Variants in PLEC observed in about 807,000 individuals in gnomAD.
PLEC encodes the protein hemidesmosomal protein 1.
PLEC carries 216 observed loss-of-function variants against 392.8 expected under a neutral mutation model. The observed-to-expected ratio is 0.55, with a 90% CI of 0.49 to 0.62. PLEC has a LOEUF of 0.62. Ranked by LOEUF, PLEC falls within the 20% of genes least tolerant of loss-of-function variation. The pLI is 0.00. For synonymous variants in PLEC, 3,621 were observed against 2,980.6 expected, an observed-to-expected ratio of 1.21 and a Z score of -7.00; for missense variants, 6,863 against 6,563.4, an observed-to-expected ratio of 1.05 and a Z score of -1.58.
At chr8:143,935,619 G>A (rs1246583615) in intron 6 of PLEC, among the ~76,000 whole-genome samples, 1 of 152,138 alleles carries the variant, frequency 6.6e-6, no homozygotes, top group Non-Finnish European at 1.5e-5. Flanking sequence ...GCACCTGGCT[G>A]TGAGGACCAG....
chr8:143,926,917 C>A (rs782116022), intron 29 of PLEC, 35 bp from the exon 30 acceptor site: 1 of 1,607,826 alleles, frequency 6.2e-7, no homozygotes, highest in Admixed American at 1.7e-5. Flanking sequence ...CCTGCGAGAG[C>A]TGCAGCTCCA....
upstream of PLEC, among the ~76,000 whole-genome samples, chr8:143,954,527 T>C (rs375092555): frequency 1.3e-5 from 2 of 152,152 alleles, no homozygotes; most frequent in Non-Finnish European, 2.9e-5. The surrounding 1 kb of genome is among the most constrained non-coding windows in gnomAD (Gnocchi z 4.6). Flanking sequence ...TGCCGCCAGA[T>C]GACACTGCAG....
At chr8:143,930,647 G>C (rs557201119) in intron 19 of PLEC, 111 bp from the exon 20 acceptor site, 86 of 1,176,200 alleles carry the variant, frequency 7.3e-5, no homozygotes, top group Non-Finnish European at 9.4e-5. Flanking sequence ...TGCTCCCGGG[G>C]TGGCAGCACT....
chr8:143,918,732 G>A lies in PLEC; in HGVS notation c.11089C>T (p.Leu3697=), dbSNP rs17062686. Residue 3697 remains leucine, a synonymous_variant, in exon 32 of 32, where the codon CTG becomes TTG. Coordinates refer to ENST00000345136, the MANE Select transcript of PLEC (RefSeq NM_201384.3). ...YGTGSVAGVY[L]PGSRQTLSIY... The stretch of plus-strand genomic sequence containing the variant: ...CTCAGTGTCTGCCTGGAACCGGGCA[G>A]GTAGACACCAGCCACGGAGCCCGTG... 0.044 allele frequency: 71,615 copies of A among 1,612,994 alleles called. 1,763 individuals carry two copies. Among genetic ancestry groups the A allele is most frequent in the Non-Finnish European group, 0.052 (61,092 of 1,179,982 alleles).
rs375989217 is a variant in PLEC at position 143,936,972 on chromosome 8, G to A, written c.435+7C>T. 9.3e-6 allele frequency: 15 copies of A among 1,606,826 alleles called. No individual in the cohort carries two copies. Among genetic ancestry groups the A allele is most frequent in the Non-Finnish European group, 1.3e-5 (15 of 1,174,638 alleles). ...GGGGGTGGGGGTCCTGGGGGCAGCC[G>A]TTCTACCTGGAAGTGCAGAATGATT... On this transcript the variant is annotated splice_region_variant and intron_variant, in intron 5 of 31. Coordinates refer to ENST00000345136, the MANE Select transcript of PLEC (RefSeq NM_201384.3).
upstream of PLEC, chr8:143,975,448 C>A (rs1554745816): frequency 2.3e-6 from 3 of 1,282,570 alleles, no homozygotes; most frequent in African/African-American, 2.9e-5. This position sits in a 1 kb window ranked among gnomAD's most constrained non-coding sequence, Gnocchi z 9.9. Context: ...CCACCCACCA[C>A]CTTCTTAACC....
chr8:143,923,469 G>A lies in PLEC; in HGVS notation c.6460C>T (p.Gln2154Ter), dbSNP rs782097583. The change falls in exon 31 of 32, where the codon CAG becomes TAG. Residue 2154 changes from glutamine (Q) to a stop codon, truncating the protein, a stop_gained. Coordinates refer to ENST00000345136, the MANE Select transcript of PLEC (RefSeq NM_201384.3). LOFTEE classifies it high-confidence loss of function. ...GCCTGCTTCTGCCGCAGGGCCGCCT[G>A]CTCCGCCTGTGCCCGCCGCGCCGCC... The part of the protein sequence containing the change: ...QEAARRAQAE[Q>*]AALRQKQAAD... 2 of 1,605,958 alleles carry A rather than the reference G, an allele frequency of 1.2e-6. No individual in the cohort carries two copies. The highest frequency in any genetic ancestry group is 1.1e-5 in the South Asian group (1 of 90,988).
chr8:143,967,064 A>G (rs1336810080), intron 1 of PLEC, among the ~76,000 whole-genome samples: 2 of 152,204 alleles, frequency 1.3e-5, no homozygotes, highest in Non-Finnish European at 2.9e-5. Context: ...ATGGCTAAAG[A>G]AACCACAGAC....
At position 143,930,366 on chromosome 8, in the gene PLEC, C is replaced by A. The variant is rs782741041; in HGVS notation, c.2457+18G>T. On this transcript the variant is annotated intron_variant, in intron 20 of 31. Coordinates refer to ENST00000345136, the MANE Select transcript of PLEC (RefSeq NM_201384.3). ...CTGCCTGGCCACGCCCCCCAGTGGA[C>A]CCCCGGCCTGCGCTCACCTCCACCT... is the stretch of plus-strand genomic sequence containing the variant. The A allele has an allele frequency of 6.3e-6, 10 of 1,575,910 alleles. No homozygotes were observed. The highest frequency in any genetic ancestry group is 3.6e-5 in the Admixed American group (2 of 55,336).
rs782316323 is a variant in PLEC, at chr8:143,923,457, G to A, written c.6472C>T (p.Arg2158Trp). 1.6e-5 allele frequency: 25 copies of A among 1,607,442 alleles called. No homozygotes were observed. The highest frequency in any genetic ancestry group is 1.3e-4 in the East Asian group (6 of 44,808). ...TCCGCGTCAGCTGCCTGCTTCTGCC[G>A]CAGGGCCGCCTGCTCCGCCTGTGCC... is the stretch of plus-strand genomic sequence containing the variant. ...RRAQAEQAAL[R>W]QKQAADAEME... The change falls in exon 31 of 32, where the codon CGG becomes TGG. Residue 2158 changes from arginine to tryptophan, a missense_variant. Coordinates refer to ENST00000345136, the MANE Select transcript of PLEC (RefSeq NM_201384.3).
chr8:143,936,766 G>A (rs116642144), intron 5 of PLEC, among the ~76,000 whole-genome samples: 2 of 152,212 alleles, frequency 1.3e-5, no homozygotes, highest in African/African-American at 2.4e-5. Context: ...GGCACGGATA[G>A]GTGGCCTCAG....
In PLEC at chr8:143,935,828, C is replaced by T. The variant is rs1828901526; in HGVS notation, c.602+20G>A. 3 of 1,612,102 alleles carry T rather than the reference C, an allele frequency of 1.9e-6. No homozygotes were observed. The highest frequency in any genetic ancestry group is 2.2e-5 in the South Asian group (2 of 91,026). On this transcript the variant is annotated intron_variant, in intron 6 of 31. Transcript: ENST00000345136. Reference sequence around the variant, plus strand: ...GGGGGTGCCCCCAGCCCACAGCCCCCTGCCCCCGGGGCCATGTACTTGTGC... The same window carrying T: ...GGGGGTGCCCCCAGCCCACAGCCCCTTGCCCCCGGGGCCATGTACTTGTGC...
chr8:143,949,724 C>T (rs1831907487), intron 1 of PLEC, among the ~76,000 whole-genome samples: 1 of 152,222 alleles, frequency 6.6e-6, no homozygotes, highest in African/African-American at 2.4e-5. Flanking sequence ...CTGTGCGGCA[C>T]CAAGCCTCAC....
chr8:143,930,416 G>C lies in PLEC; in HGVS notation c.2425C>G (p.Leu809Val), dbSNP rs771803576. 1.9e-6 allele frequency: 3 copies of C among 1,572,564 alleles called. No homozygotes were observed. In the African/African-American group the frequency reaches 4.1e-5, roughly 21 times the overall value. Residue 809 changes from leucine to valine, a missense_variant, in exon 20 of 32, where the codon CTG becomes GTG. By Grantham distance (32) the Leu-to-Val change is conservative. Transcript: ENST00000345136. ...PAHPMRGRLP[L>V]LAVCDYKQVE... ...TGCTTATAGTCGCACACGGCCAGCA[G>C]GGGCAGGCGGCCCCGCATGGGGTGG...
rs782543357 is a variant in PLEC, at chr8:143,934,842, G to A, written c.913C>T (p.Arg305Cys). The change falls in exon 9 of 32, where the codon CGC (arginine) becomes TGC (cysteine). Residue 305 changes from arginine to cysteine, a missense_variant. Physicochemically the swap from Arg to Cys is radical, Grantham distance 180. Coordinates refer to ENST00000345136, the MANE Select transcript of PLEC (RefSeq NM_201384.3). Reference protein sequence around the residue: ...MRHHTAAFEERRFPSSFEEIE... With the variant: ...MRHHTAAFEECRFPSSFEEIE... ...TCCTCGAAGCTGGAGGGGAACCTGC[G>A]TTCCTCAAAGGCGGCCGTGTGGTGT... 50 of 1,611,414 alleles carry A rather than the reference G, an allele frequency of 3.1e-5. No homozygotes were observed. The highest frequency in any genetic ancestry group is 3.9e-5 in the Non-Finnish European group (46 of 1,179,826).
chr8:143,970,024 C>A (rs992392243), intron 1 of PLEC, among the ~76,000 whole-genome samples: 1 of 152,094 alleles, frequency 6.6e-6, no homozygotes, highest in Non-Finnish European at 1.5e-5. Flanking sequence ...CCCTTGCCAG[C>A]CCTGGGCCTG....
At chr8:143,954,175 G>A (rs551971752), upstream of PLEC, among the ~76,000 whole-genome samples, 28 of 146,748 alleles carry the variant, frequency 1.9e-4, no homozygotes, top group African/African-American at 6.5e-4. This position sits in a 1 kb window ranked among gnomAD's most constrained non-coding sequence, Gnocchi z 4.6. Flanking sequence ...CCTTGAAGCC[G>A]TTACCCGCGC....
chr8:143,968,788 C>G (rs1293183431), intron 1 of PLEC, among the ~76,000 whole-genome samples: 1 of 152,100 alleles, frequency 6.6e-6, no homozygotes, highest in Non-Finnish European at 1.5e-5. Context: ...CAAATCAAAC[C>G]ACAATGAGAT....
chr8:143,942,524 CG>C (rs1450733790), upstream of PLEC: 1 of 1,560,856 alleles, frequency 6.4e-7, no homozygotes, highest in Non-Finnish European at 8.6e-7. Flanking sequence ...ATGCCGGCCA[CG>C]GCCGGAGCCC....
Sources: allele counts gnomAD v4.1 joint callset (sites outside exome capture counted in the v4.1 genomes callset), GRCh38; gene constraint gnomAD v4.1.1; non-coding constraint Gnocchi (gnomAD v3.1); transcripts MANE v1.5; gene names NCBI Gene and HGNC (gene_info 2026-07-23, HGNC 2026-07-21).